The following SLC7A10 variants were observed in gnomAD, a reference collection of about 807,000 sequenced individuals.
SLC7A10 encodes asc-type amino acid transporter 1.
In SLC7A10, 30 loss-of-function variants were observed where a neutral mutation model predicts 52.7. That is an observed-to-expected ratio of 0.57 (90% CI 0.43 to 0.77). SLC7A10 has a LOEUF of 0.77. Ranked by LOEUF, SLC7A10 falls within the 30% of genes least tolerant of loss-of-function variation. The probability of loss-of-function intolerance (pLI) is 0.00; values close to 1 mark genes in which losing one functional copy is unlikely to be tolerated. For synonymous variants in SLC7A10, 318 were observed against 314.9 expected, an observed-to-expected ratio of 1.01 and a Z score of -0.10; for missense variants, 581 against 698.5, an observed-to-expected ratio of 0.83 and a Z score of 1.90.
At position 33,208,820 on chromosome 19, in the gene SLC7A10, T is replaced by A; in HGVS notation, c.*71A>T. 6.2e-7 allele frequency: 1 copy of A among 1,601,856 alleles called. No homozygotes were observed. The highest frequency in any genetic ancestry group is 8.5e-7 in the Non-Finnish European group (1 of 1,172,674). On this transcript the variant is annotated 3_prime_UTR_variant, in exon 11 of 11. Transcript: ENST00000253188. This position sits in a 1 kb window ranked among gnomAD's most constrained non-coding sequence, Gnocchi z 4.7. The stretch of plus-strand genomic sequence containing the variant: ...TTTCCAGAAAAAAACAAAACAAAAC[T>A]TTTTTGCCAAAACACCTCCTCAATA...
rs1276635755 is a variant in SLC7A10, at chr19:33,209,383, T to G, written c.1366A>C (p.Ile456Leu). 1.2e-6 allele frequency: 2 copies of G among 1,613,878 alleles called. No individual in the cohort carries two copies. Among genetic ancestry groups the G allele is most frequent in the South Asian group, 2.2e-5 (2 of 91,058 alleles). Residue 456 changes from isoleucine to leucine, a missense_variant, in exon 10 of 11, where the codon ATC becomes CTC. Ile to Leu is a conservative substitution (Grantham distance 5, BLOSUM62 2). Transcript: ENST00000253188. ...PMVCGVGVIIILTGVPIFFLG... is the reference protein window; with the variant it reads ...PMVCGVGVIILLTGVPIFFLG... Reference sequence around the variant, plus strand: ...AAGAAAATGGGCACCCCCGTAAGGATGATGATGACGCCGACCCCACAGACC... The same window carrying G: ...AAGAAAATGGGCACCCCCGTAAGGAGGATGATGACGCCGACCCCACAGACC...
intron 4 of SLC7A10, 27 bp downstream of exon 4, chr19:33,212,487 C>T: frequency 1.2e-6 from 2 of 1,614,010 alleles, no homozygotes; most frequent in Middle Eastern, 1.6e-4. Context: ...TCTCCCCAGC[C>T]CGGCCCTTAC....
intron 1 of SLC7A10, among the ~76,000 whole-genome samples, chr19:33,222,424 A>G (rs960792866): frequency 3.5e-5 from 1 of 28,338 alleles, no homozygotes; most frequent in African/African-American, 6.9e-5. Flanking sequence ...AAAATAAAAT[A>G]TAAAATAAAA....
Position 33,211,393 on chromosome 19 carries a change from ACCGAGCAGGGG to A in SLC7A10, c.912+10_912+20del. The A allele has an allele frequency of 6.2e-7, 1 of 1,613,686 alleles. No homozygotes were observed. Among genetic ancestry groups the A allele is most frequent in the Non-Finnish European group, 8.5e-7 (1 of 1,179,864 alleles). On this transcript the variant is annotated intron_variant, in intron 6 of 10. Coordinates refer to ENST00000253188, the MANE Select transcript of SLC7A10 (RefSeq NM_019849.3). ...GCAGGGGCCTGGGCAGGAGCCAGGG[ACCGAGCAGGGG>A]CCCACTCACCACAGCCACCGCATTG...
intron 1 of SLC7A10, chr19:33,221,293 A>T (rs1167848550): frequency 6.6e-6 from 1 of 152,128 alleles, no homozygotes; most frequent in Non-Finnish European, 1.5e-5. Flanking sequence ...CAGCTTGTTC[A>T]TCTTGTTGCG....
At chr19:33,209,819 G>A (rs894727394) in intron 9 of SLC7A10, among the ~76,000 whole-genome samples, 16 of 152,210 alleles carry the variant, frequency 1.1e-4, no homozygotes, top group Non-Finnish European at 2.4e-4. Context: ...CTCCACTTAA[G>A]GATTTATACA....
chr19:33,209,059 C>A, intron 10 of SLC7A10, 38 bp from the exon 11 acceptor site: 2 of 1,611,606 alleles, frequency 1.2e-6, no homozygotes, highest in Non-Finnish European at 1.7e-6. Flanking sequence ...CCTGACCTCT[C>A]GGGATAGGGG....
rs1974591633 is a variant in SLC7A10 at position 33,212,985 on chromosome 19, C to T, written c.374G>A (p.Ser125Asn). 1 of 1,610,920 alleles carries T rather than the reference C, an allele frequency of 6.2e-7. No individual in the cohort carries two copies. Among genetic ancestry groups the T allele is most frequent in the South Asian group, 1.1e-5 (1 of 90,776 alleles). Residue 125 changes from serine to asparagine, a missense_variant, in exon 3 of 11, where the codon AGC becomes AAC. By Grantham distance (46) the Ser-to-Asn change is conservative. Coordinates refer to ENST00000253188, the MANE Select transcript of SLC7A10 (RefSeq NM_019849.3). ...GGTGGGGTACATGATGAGGACGGCG[C>T]TCCAGAGCAGCAGAAAGCTGGAAGG... ...GGLAGFLLLW[S>N]AVLIMYPTSL...
chr19:33,209,550 T>TG, intron 9 of SLC7A10, 65 bp from the exon 10 acceptor site: 1 of 1,519,456 alleles, frequency 6.6e-7, no homozygotes. Context: ...CCCCGACCCC[T>TG]GGGGGTCTGG....
rs1049013913 is a variant in SLC7A10 at position 33,210,230 on chromosome 19, C to T, written c.1263+237G>A. On this transcript the variant is annotated intron_variant, in intron 9 of 10. Coordinates refer to ENST00000253188, the MANE Select transcript of SLC7A10 (RefSeq NM_019849.3). This position sits in a 1 kb window ranked among gnomAD's most constrained non-coding sequence, Gnocchi z 5.6. ...CCCAAAGTGCTGGAATAGGCATGAGCCCCTGTGCCCAGTCCTGAGCCTCAT... is the reference window on the plus strand; with the variant it reads ...CCCAAAGTGCTGGAATAGGCATGAGTCCCTGTGCCCAGTCCTGAGCCTCAT... Among the ~76,000 whole-genome samples, 1 of 152,318 alleles carries T rather than the reference C, an allele frequency of 6.6e-6. No individual in the cohort carries two copies. The highest frequency in any genetic ancestry group is 6.5e-5 in the Admixed American group (1 of 15,298).
In SLC7A10 at chr19:33,225,662, G is replaced by C; in HGVS notation, c.42C>G (p.Pro14=). The change falls in exon 1 of 11, where the codon CCC becomes CCG. Residue 14 remains proline, a synonymous_variant. Coordinates refer to ENST00000253188, the MANE Select transcript of SLC7A10 (RefSeq NM_019849.3). The stretch of plus-strand genomic sequence containing the variant: ...CTGGGGAGGGCGAGGGCGCAGGCCT[G>C]GGGTTCCCGCGCCCGCTCGGCTGCT... ...HTQQPSGRGN[P]RPAPSPSPVP... 6.4e-7 allele frequency: 1 copy of C among 1,570,326 alleles called. No homozygotes were observed. The highest frequency in any genetic ancestry group is 8.6e-7 in the Non-Finnish European group (1 of 1,168,358).
At chr19:33,222,418 TAAAATATAAA>T (rs1195530977) in intron 1 of SLC7A10, among the ~76,000 whole-genome samples, 2 of 89,212 alleles carry the variant, frequency 2.2e-5, no homozygotes, top group Admixed American at 1.2e-4. Flanking sequence ...AAATATAAAA[TAAAATATAAA>T]ATAAAATAAA....
At chr19:33,217,580 G>A (rs935352097) in intron 1 of SLC7A10, among the ~76,000 whole-genome samples, 2 of 149,850 alleles carry the variant, frequency 1.3e-5, no homozygotes, top group Non-Finnish European at 2.9e-5. Context: ...GTAGGTCCTG[G>A]TAGGACCAAC....
Position 33,211,546 on chromosome 19 carries a change from A to C in SLC7A10, c.789-9T>G, listed in dbSNP as rs1474517365. 1 of 1,613,878 alleles carries C rather than the reference A, an allele frequency of 6.2e-7. No individual in the cohort carries two copies. Among genetic ancestry groups the C allele is most frequent in the Non-Finnish European group, 8.5e-7 (1 of 1,180,020 alleles). On this transcript the variant is annotated splice_polypyrimidine_tract_variant and intron_variant, in intron 5 of 10. Transcript: ENST00000253188. ...TGGCGCGAGGTAGGTTCCTGGTGAC[A>C]GGCAGTGGAGTGCGTCAGCGTCAGC...
rs1455363345 is a variant in SLC7A10, at chr19:33,211,230, G to A, written c.1011C>T (p.Tyr337=). The change falls in exon 7 of 11, where the codon TAC becomes TAT. Residue 337 remains tyrosine (Y), a synonymous_variant. Coordinates refer to ENST00000253188, the MANE Select transcript of SLC7A10 (RefSeq NM_019849.3). ...FGGINGYLFT[Y]SRLCFSGARE... Reference sequence around the variant, plus strand: ...CGTCTCCCCAGTGCAGTCACCTGGAGTAGGTGAACAGGTAACCATTGATCC... The same window carrying A: ...CGTCTCCCCAGTGCAGTCACCTGGAATAGGTGAACAGGTAACCATTGATCC... 6.2e-7 allele frequency: 1 copy of A among 1,612,564 alleles called. No individual in the cohort carries two copies.
chr19:33,212,779 C>A, intron 3 of SLC7A10, 72 bp downstream of exon 3: 1 of 1,606,376 alleles, frequency 6.2e-7, no homozygotes, highest in Non-Finnish European at 8.5e-7. Context: ...CCCCTCTGTC[C>A]TCCTGCTCAG....
intron 1 of SLC7A10, among the ~76,000 whole-genome samples, chr19:33,221,492 C>T (rs1404089769): frequency 6.6e-6 from 1 of 152,218 alleles, no homozygotes; most frequent in African/African-American, 2.4e-5. Flanking sequence ...CCGAGGGCAT[C>T]TGACCCCAGG....
chr19:33,212,298 G>C lies in SLC7A10; in HGVS notation c.782C>G (p.Ala261Gly), dbSNP rs752277400. ...AGTTGGGGGCCCCACTCACTTTCGG[G>C]CGTCAACCATCTCCTCGGTGACATA... Reference protein sequence around the residue: ...LNYVTEEMVDARKNLPRAIFI... With the variant: ...LNYVTEEMVDGRKNLPRAIFI... Residue 261 changes from alanine to glycine, a missense_variant, in exon 5 of 11, where the codon GCC becomes GGC. Physicochemically the swap from Ala to Gly is moderately conservative, Grantham distance 60. Coordinates refer to ENST00000253188, the MANE Select transcript of SLC7A10 (RefSeq NM_019849.3). 10 of 1,606,012 alleles carry C rather than the reference G, an allele frequency of 6.2e-6. No homozygotes were observed. The African/African-American group carries it at 1.2e-4, about 19-fold the overall frequency.
At chr19:33,225,441 G>T in intron 1 of SLC7A10, 112 bp downstream of exon 1, 2 of 1,332,856 alleles carry the variant, frequency 1.5e-6, no homozygotes, top group South Asian at 1.2e-5. Context: ...CAGACTGCAG[G>T]TTCCCCAGGC....
Sources: allele counts gnomAD v4.1 joint callset (sites outside exome capture counted in the v4.1 genomes callset), GRCh38; gene constraint gnomAD v4.1.1; non-coding constraint Gnocchi (gnomAD v3.1); transcripts MANE v1.5; gene names NCBI Gene and HGNC (gene_info 2026-07-23, HGNC 2026-07-21).